Variants in PCDH11Y observed in about 807,000 individuals in gnomAD.
PCDH11Y encodes the protein protocadherin 11 Y-linked, also known as protocadherin-11 Y-linked.
For missense variants in PCDH11Y, 12 were observed against 224.8 expected (o/e 0.05, Z 6.05); for synonymous variants, 9 against 83.6 (o/e 0.11, Z 4.87).
chrY:5,041,642 A>T (rs71216320), intron 3 of PCDH11Y, among the ~76,000 whole-genome samples: 191 of 32,553 alleles, frequency 5.9e-3, no homozygotes, highest in African/African-American at 0.022. Context: ...GATGGCTGGG[A>T]CAAATGGTAT....
chrY:5,243,067 C>G, intron 2 of PCDH11Y, among the ~76,000 whole-genome samples: 2 of 33,444 alleles, frequency 6.0e-5, no homozygotes, highest in Non-Finnish European at 1.5e-4. Context: ...CAAAAGTGGT[C>G]TGAACAATGG....
intron 2 of PCDH11Y, among the ~76,000 whole-genome samples, chrY:5,450,080 CA>C (rs2053291868): frequency 6.2e-5 from 2 of 32,440 alleles, no homozygotes; most frequent in Admixed American, 5.7e-4. Flanking sequence ...GTCATAGTAG[CA>C]AAGCTATAAT....
intron 2 of PCDH11Y, among the ~76,000 whole-genome samples, chrY:5,355,576 A>C: frequency 3.1e-5 from 1 of 32,067 alleles, no homozygotes; most frequent in East Asian, 8.2e-4. Context: ...GTAAAAAAAA[A>C]AAACCCATAT....
At chrY:5,671,451 G>T in intron 4 of PCDH11Y, among the ~76,000 whole-genome samples, 1 of 33,475 alleles carries the variant, frequency 3.0e-5, no homozygotes, top group African/African-American at 1.2e-4. Context: ...TTTTTCATCA[G>T]TGTTTTATAG....
intron 2 of PCDH11Y, among the ~76,000 whole-genome samples, chrY:5,170,177 T>A: frequency 6.4e-5 from 2 of 31,014 alleles, no homozygotes; most frequent in African/African-American, 2.5e-4. Context: ...TATATATTTT[T>A]AAAATTTAGC....
intron 4 of PCDH11Y, among the ~76,000 whole-genome samples, chrY:5,614,833 A>G (rs2053491361): frequency 3.4e-5 from 1 of 29,793 alleles, no homozygotes; most frequent in South Asian, 7.2e-4. Context: ...CCACTGTATT[A>G]TTCCATTTTC....
chrY:5,127,192 A>T (rs2052826510), intron 2 of PCDH11Y, among the ~76,000 whole-genome samples: 2 of 30,172 alleles, frequency 6.6e-5, no homozygotes, highest in Non-Finnish European at 1.6e-4. Context: ...TTTGTTGTTT[A>T]TTATTATTAT....
chrY:5,231,196 G>A (rs2052967474), intron 2 of PCDH11Y, among the ~76,000 whole-genome samples: 1 of 32,308 alleles, frequency 3.1e-5, no homozygotes, highest in South Asian at 7.2e-4. Context: ...TCTGGATGGT[G>A]GTGATGCTAG....
intron 2 of PCDH11Y, among the ~76,000 whole-genome samples, chrY:5,407,749 T>TA (rs2053240749): frequency 3.0e-4 from 9 of 29,570 alleles, no homozygotes; most frequent in Admixed American, 1.3e-3. Context: ...CCGTCTCTAC[T>TA]AAAAAAAATA....
At chrY:5,258,768 G>A in intron 2 of PCDH11Y, among the ~76,000 whole-genome samples, 1 of 33,017 alleles carries the variant, frequency 3.0e-5, no homozygotes, top group African/African-American at 1.2e-4. Context: ...AAAAGGATGC[G>A]TATTATGCAG....
intron 3 of PCDH11Y, among the ~76,000 whole-genome samples, chrY:5,525,984 T>C: frequency 3.2e-5 from 1 of 31,643 alleles, no homozygotes; most frequent in Non-Finnish European, 7.7e-5. Flanking sequence ...TATTTTTAGG[T>C]AGAGAAAAAA....
chrY:5,213,933 C>T (rs2052942483), intron 2 of PCDH11Y, among the ~76,000 whole-genome samples: 1 of 32,268 alleles, frequency 3.1e-5, no homozygotes, highest in African/African-American at 1.2e-4. Context: ...TCCTGGCTAA[C>T]ATGGTGAAAC....
intron 1 of PCDH11Y, among the ~76,000 whole-genome samples, chrY:5,009,052 G>T: frequency 3.0e-5 from 1 of 33,245 alleles, no homozygotes; most frequent in Non-Finnish European, 7.4e-5. Context: ...GAGTGCTACA[G>T]GAGTTCATGT....
intron 2 of PCDH11Y, among the ~76,000 whole-genome samples, chrY:5,428,868 G>A: frequency 6.2e-5 from 2 of 32,477 alleles, no homozygotes; most frequent in African/African-American, 1.2e-4. Context: ...GTAATCTGTC[G>A]CTGACCAAAA....
chrY:5,529,404 A>G, intron 3 of PCDH11Y, among the ~76,000 whole-genome samples: 4 of 32,771 alleles, frequency 1.2e-4, no homozygotes, highest in Admixed American at 2.8e-4. Context: ...AGTAAGACCT[A>G]CTAATTGATA....
downstream of PCDH11Y, among the ~76,000 whole-genome samples, chrY:5,103,438 A>G (rs2052782699): frequency 3.1e-5 from 1 of 31,960 alleles, no homozygotes; most frequent in Non-Finnish European, 7.7e-5. Context: ...AAGGGAATTC[A>G]TCTGAAATTT....
intron 2 of PCDH11Y, among the ~76,000 whole-genome samples, chrY:5,275,922 C>T: frequency 3.0e-5 from 1 of 33,179 alleles, no homozygotes; most frequent in Admixed American, 2.8e-4. Context: ...TGTTAAAAGG[C>T]ATTGGCACTT....
chrY:5,394,360 T>C (rs2053225067), intron 2 of PCDH11Y, among the ~76,000 whole-genome samples: 1 of 35,201 alleles, frequency 2.8e-5, no homozygotes. Context: ...TAAATTTTGT[T>C]CAGTGACTTG....
intron 2 of PCDH11Y, among the ~76,000 whole-genome samples, chrY:5,326,018 T>C: frequency 6.1e-5 from 2 of 33,042 alleles, no homozygotes; most frequent in Non-Finnish European, 1.5e-4. Context: ...TAGTCCATTC[T>C]ACCTTTCTTG....
Sources: gnomAD v4.1 joint callset for allele counts (sites outside exome capture counted in the v4.1 genomes callset) on GRCh38, gnomAD v4.1.1 for gene constraint, MANE v1.5 for transcripts, NCBI Gene and HGNC (gene_info 2026-07-23, HGNC 2026-07-21) for gene names.